RNF214: variants seen among roughly 807,000 people sequenced by gnomAD.
RNF214 encodes the protein ring finger protein 214.
A neutral mutation model predicts 75.9 loss-of-function variants in RNF214; 25 were observed. That is an observed-to-expected ratio of 0.33 (90% CI 0.24 to 0.46). The LOEUF is 0.46. Among genes scored for constraint, RNF214 ranks in the 20% least tolerant of loss-of-function variants. RNF214 has a pLI of 1.00. For missense variants in RNF214, 725 were observed against 857.5 expected, an observed-to-expected ratio of 0.85 and a Z score of 1.93; for synonymous variants, 314 against 308.8, an observed-to-expected ratio of 1.02 and a Z score of -0.18.
chr11:117,275,590 A>G (rs1039274039), intron 6 of RNF214, among the ~76,000 whole-genome samples: 1 of 152,234 alleles, frequency 6.6e-6, no homozygotes, highest in Non-Finnish European at 1.5e-5. Context: ...AGAAAAGATC[A>G]TCTGAGACTG....
rs1188084502 is a variant in RNF214 at position 117,238,843 on chromosome 11, G to T, written c.350G>T (p.Gly117Val). The T allele has an allele frequency of 6.2e-7, 1 of 1,614,206 alleles. No individual in the cohort carries two copies. The highest frequency in any genetic ancestry group is 1.7e-5 in the Admixed American group (1 of 60,018). Reference sequence around the variant, plus strand: ...TTGAAGGATGTGGCCAGCACAGCAGGAGAGGAGGGGGACACAAGCCTTCGG... The same window carrying T: ...TTGAAGGATGTGGCCAGCACAGCAGTAGAGGAGGGGGACACAAGCCTTCGG... Reference protein sequence around the residue: ...SDLKDVASTAGEEGDTSLRES... With the variant: ...SDLKDVASTAVEEGDTSLRES... The change falls in exon 3 of 15, where the codon GGA (glycine) becomes GTA (valine). Residue 117 changes from glycine (G) to valine (V), a missense_variant. Gly to Val is a moderately radical substitution (Grantham distance 109). Transcript: ENST00000300650.
intron 6 of RNF214, among the ~76,000 whole-genome samples, chr11:117,251,207 C>T (rs1014670258): frequency 2.3e-5 from 3 of 131,308 alleles, no homozygotes; most frequent in Admixed American, 7.7e-5. Context: ...AGAGGCGCCC[C>T]GCACCTCCCG....
intron 6 of RNF214, among the ~76,000 whole-genome samples, chr11:117,271,768 A>G (rs977062916): frequency 1.3e-5 from 2 of 152,202 alleles, no homozygotes; most frequent in Non-Finnish European, 2.9e-5. Context: ...GGTGATTAGA[A>G]AGGAGGTCGT....
chr11:117,259,252 C>T (rs1373213177), intron 6 of RNF214, among the ~76,000 whole-genome samples: 5 of 152,110 alleles, frequency 3.3e-5, no homozygotes, highest in African/African-American at 7.2e-5. Flanking sequence ...CTACCGTGCC[C>T]GGCTTTATTG....
At chr11:117,276,325 C>T (rs1018724664) in intron 6 of RNF214, among the ~76,000 whole-genome samples, 10 of 152,184 alleles carry the variant, frequency 6.6e-5, no homozygotes, top group Non-Finnish European at 1.2e-4. Flanking sequence ...AGAACTGGAA[C>T]AAGGCCGGGC....
intron 1 of RNF214, among the ~76,000 whole-genome samples, chr11:117,233,785 T>A (rs998580668): frequency 6.6e-6 from 1 of 152,250 alleles, no homozygotes; most frequent in Admixed American, 6.5e-5. Flanking sequence ...ATTGCATTAC[T>A]TGTTGACTTA....
intron 6 of RNF214, among the ~76,000 whole-genome samples, chr11:117,250,930 G>T (rs867762166): frequency 0.016 from 2,272 of 145,224 alleles, 25 homozygotes; most frequent in Non-Finnish European, 0.025. Context: ...CAGGGTTGGG[G>T]GTAAGGTCAC....
intron 5 of RNF214, among the ~76,000 whole-genome samples, 189 bp from the exon 6 acceptor site, chr11:117,246,620 A>G (rs574169396): frequency 6.6e-6 from 1 of 152,374 alleles, no homozygotes; most frequent in South Asian, 2.1e-4. Context: ...AATCTGCATT[A>G]CTATAACTTT....
intron 6 of RNF214, among the ~76,000 whole-genome samples, chr11:117,254,837 G>A (rs1350161700): frequency 6.6e-6 from 1 of 152,028 alleles, no homozygotes; most frequent in Non-Finnish European, 1.5e-5. Flanking sequence ...TGTTGGCCAG[G>A]ATGGTTTTGA....
At chr11:117,268,168 C>G (rs943406717) in intron 6 of RNF214, among the ~76,000 whole-genome samples, 1 of 152,216 alleles carries the variant, frequency 6.6e-6, no homozygotes, top group African/African-American at 2.4e-5. Context: ...GGGGAGACCA[C>G]CTGTACTGGC....
At chr11:117,237,370 T>G (rs2032938134) in intron 2 of RNF214, among the ~76,000 whole-genome samples, 1 of 152,236 alleles carries the variant, frequency 6.6e-6, no homozygotes, top group African/African-American at 2.4e-5. Flanking sequence ...CATGAGCCAT[T>G]GCTCCCCAGC....
At chr11:117,283,025 A>C (rs1018928797) in intron 13 of RNF214, 90 bp from the exon 14 acceptor site, 1 of 1,076,738 alleles carries the variant, frequency 9.3e-7, no homozygotes, top group Admixed American at 2.2e-5. Context: ...CTTTTGATAT[A>C]AATCTTTTTG....
At position 117,239,081 on chromosome 11, in the gene RNF214, C is replaced by T; in HGVS notation, c.588C>T (p.Ser196=). The stretch of plus-strand genomic sequence containing the variant: ...AGGATGATGATCAAGATAGCTCTTC[C>T]CTGAAGCTTTCTCAGAACATTGCTG... The part of the protein sequence containing the change: ...VDQDDDQDSS[S]LKLSQNIAVQ... Residue 196 remains serine (S), a synonymous_variant, in exon 3 of 15, where the codon TCC becomes TCT. Transcript: ENST00000300650. 6.2e-7 allele frequency: 1 copy of T among 1,613,288 alleles called. No individual in the cohort carries two copies.
chr11:117,239,116 A>G lies in RNF214; in HGVS notation c.618+5A>G. 1 of 1,576,204 alleles carries G rather than the reference A, an allele frequency of 6.3e-7. No homozygotes were observed. Among genetic ancestry groups the G allele is most frequent in the Non-Finnish European group, 8.6e-7 (1 of 1,157,344 alleles). ...TCTCAGAACATTGCTGTACAGGTCA[A>G]GTGTCAAGTTTCTACTACTAAAATG... On this transcript the variant is annotated splice_donor_5th_base_variant and intron_variant, in intron 3 of 14. Transcript: ENST00000300650.
chr11:117,248,468 T>C (rs1591822701), intron 6 of RNF214, among the ~76,000 whole-genome samples: 2 of 152,338 alleles, frequency 1.3e-5, no homozygotes, highest in South Asian at 4.1e-4. Context: ...AAATGTTTTT[T>C]GTTTATCAAA....
chr11:117,269,793 G>C (rs189699914), intron 6 of RNF214, among the ~76,000 whole-genome samples: 270 of 152,260 alleles, frequency 1.8e-3, no homozygotes, highest in Non-Finnish European at 3.2e-3. Context: ...TATGATACTA[G>C]GAAAACAATA....
chr11:117,238,511 T>C (rs868451581), intron 2 of RNF214, 90 bp from the exon 3 acceptor site: 2 of 1,084,656 alleles, frequency 1.8e-6, no homozygotes, highest in Middle Eastern at 4.3e-4. Context: ...ATTATGATAG[T>C]CGGGAGGGTT....
rs1371279035 is a variant in RNF214, at chr11:117,270,221, ATTTTC to A, written c.960-9667_960-9663del. On this transcript the variant is annotated intron_variant, in intron 6 of 14. Coordinates refer to ENST00000300650, the MANE Select transcript of RNF214 (RefSeq NM_207343.4). Reference sequence around the variant, plus strand: ...TGAGGCTTATTTCTGAGGCTTTTCAATTTTCTTTTCTTTTCTTTTCTTTTTTTTTT... The same window carrying A: ...TGAGGCTTATTTCTGAGGCTTTTCAATTTTCTTTTCTTTTCTTTTTTTTTT... 1.9e-3 allele frequency among the ~76,000 whole-genome samples: 186 copies of A among 99,140 alleles called. 1 individual carries two copies. The highest frequency in any genetic ancestry group is 6.4e-3 in the Middle Eastern group (1 of 156). 65.0% of individuals were successfully genotyped at this position (99,140 alleles called of 152,430 possible). A position where few individuals can be genotyped will look rare whatever the true frequency, so the allele number is the denominator to read the frequency against.
At chr11:117,251,617 A>G (rs987986688) in intron 6 of RNF214, among the ~76,000 whole-genome samples, 1 of 152,126 alleles carries the variant, frequency 6.6e-6, no homozygotes, top group Non-Finnish European at 1.5e-5. Context: ...TTTTCGAAGA[A>G]AAAGTAGCAG....
Sources: gnomAD v4.1 joint callset for allele counts (sites outside exome capture counted in the v4.1 genomes callset) on GRCh38, gnomAD v4.1.1 for gene constraint, MANE v1.5 for transcripts, NCBI Gene and HGNC (gene_info 2026-07-23, HGNC 2026-07-21) for gene names.